The following ALS2 variants were observed in gnomAD, a reference collection of about 807,000 sequenced individuals.
ALS2 encodes alsin.
Under a neutral mutation model 203.4 loss-of-function variants are expected in ALS2, and 117 were observed. The ratio of observed to expected loss-of-function variants is 0.58; its 90% confidence interval spans 0.50 to 0.67. The LOEUF is 0.67. Among genes scored for constraint, ALS2 ranks in the 30% least tolerant of loss-of-function variants. The pLI is 0.00. For synonymous variants in ALS2, 718 were observed against 725.9 expected (o/e 0.99, Z 0.17); for missense variants, 1,715 against 1,989.4 (o/e 0.86, Z 2.62).
In ALS2 at chr2:201,749,576, T is replaced by A. The variant is rs1353262436; in HGVS notation, c.1815+136A>T. ...ACACGTGGCTTCCTGTTTTTAAAAA[T>A]TTTCTTATGAAAACCAAAACAAATT... On this transcript the variant is annotated intron_variant, in intron 8 of 33. Transcript: ENST00000264276. The A allele has an allele frequency of 4.7e-6, 4 of 847,072 alleles. No individual in the cohort carries two copies. The African/African-American group carries it at 6.8e-5, about 15-fold the overall frequency. The allele number at this position is 847,072 out of a possible 1,614,324, so 52.5% of individuals were successfully genotyped here.
chr2:201,763,826 G>A (rs1173055818), intron 3 of ALS2, among the ~76,000 whole-genome samples: 1 of 152,120 alleles, frequency 6.6e-6, no homozygotes, highest in African/African-American at 2.4e-5. Context: ...AGCTATGCTG[G>A]CTAAAAATTC....
At chr2:201,764,682 TAAAA>T (rs1279633020) in intron 3 of ALS2, among the ~76,000 whole-genome samples, 94 of 142,526 alleles carry the variant, frequency 6.6e-4, no homozygotes, top group African/African-American at 2.0e-3. Flanking sequence ...AATAAATAAA[TAAAA>T]GTGAATCAAT....
intron 4 of ALS2, 106 bp downstream of exon 4, chr2:201,760,775 A>T: frequency 6.8e-7 from 1 of 1,460,316 alleles, no homozygotes; most frequent in East Asian, 2.5e-5. Flanking sequence ...ATCAAACTCA[A>T]AAAATAAAAA....
At chr2:201,704,351 T>G in intron 32 of ALS2, 103 bp downstream of exon 32, 1 of 1,532,540 alleles carries the variant, frequency 6.5e-7, no homozygotes, top group South Asian at 1.1e-5. Context: ...TTAATCGATT[T>G]TTTTCTAGTG....
At chr2:201,711,146 T>C in intron 25 of ALS2, 38 bp from the exon 26 acceptor site, 4 of 1,279,494 alleles carry the variant, frequency 3.1e-6, no homozygotes, top group Non-Finnish European at 3.4e-6. Context: ...GTATTTCACA[T>C]CAAGAAAGCA....
intron 20 of ALS2, among the ~76,000 whole-genome samples, chr2:201,725,099 C>T (rs183358252): frequency 3.4e-3 from 494 of 143,224 alleles, no homozygotes; most frequent in Non-Finnish European, 5.7e-3. Flanking sequence ...GGTGACAGAG[C>T]GAGACTTCAT....
At chr2:201,708,043 A>AAAAGC in intron 27 of ALS2, 52 bp from the exon 28 acceptor site, 1 of 1,544,784 alleles carries the variant, frequency 6.5e-7, no homozygotes, top group Non-Finnish European at 8.9e-7. Flanking sequence ...AGGGGGGTTG[A>AAAAGC]AAAGCATAAA....
At chr2:201,705,013 T>C (rs1424280618) in intron 31 of ALS2, 126 bp downstream of exon 31, 2 of 937,960 alleles carry the variant, frequency 2.1e-6, no homozygotes, top group Admixed American at 2.0e-5. Flanking sequence ...CAGATTGAGT[T>C]TGACACCATC....
At chr2:201,752,050 C>T (rs1423610096) in intron 7 of ALS2, among the ~76,000 whole-genome samples, 1 of 152,018 alleles carries the variant, frequency 6.6e-6, no homozygotes, top group Non-Finnish European at 1.5e-5. Flanking sequence ...ACCTGGCTCA[C>T]CTATGTTTAT....
Position 201,729,067 on chromosome 2 carries a change from G to T in ALS2, c.2697C>A (p.Phe899Leu). Reference sequence around the variant, plus strand: ...CATGGCTTACCGTCATTTTTCCGGGGAAGGTCTTCCAGAAGCCCAGTGTGT... The same window carrying T: ...CATGGCTTACCGTCATTTTTCCGGGTAAGGTCTTCCAGAAGCCCAGTGTGT... ...AEYTLGFWKT[F>L]PGKMTDSLRK... The change falls in exon 14 of 34, where the codon TTC (phenylalanine) becomes TTA (leucine). Residue 899 changes from phenylalanine to leucine, a missense_variant. Coordinates refer to ENST00000264276, the MANE Select transcript of ALS2 (RefSeq NM_020919.4). 6.2e-7 allele frequency: 1 copy of T among 1,614,112 alleles called. No individual in the cohort carries two copies. The highest frequency in any genetic ancestry group is 1.3e-5 in the African/African-American group (1 of 75,020).
chr2:201,769,981 G>T (rs1029675886), intron 1 of ALS2, among the ~76,000 whole-genome samples: 2 of 152,162 alleles, frequency 1.3e-5, no homozygotes, highest in African/African-American at 4.8e-5. Flanking sequence ...ATCATTCAAA[G>T]TTGGAAAATG....
intron 13 of ALS2, 54 bp downstream of exon 13, chr2:201,733,222 C>T: frequency 6.3e-7 from 1 of 1,583,254 alleles, no homozygotes; most frequent in Non-Finnish European, 8.7e-7. Flanking sequence ...TCCATACAAA[C>T]AACTATGATC....
chr2:201,767,492 T>A, intron 2 of ALS2, 109 bp from the exon 3 acceptor site: 1 of 1,244,608 alleles, frequency 8.0e-7, no homozygotes, highest in South Asian at 1.3e-5. Flanking sequence ...GATGACTAGG[T>A]CAGATAGCTG....
intron 24 of ALS2, 110 bp from the exon 25 acceptor site, chr2:201,715,949 C>T (rs1690364899): frequency 9.3e-7 from 1 of 1,072,858 alleles, no homozygotes; most frequent in Admixed American, 1.9e-5. Flanking sequence ...GTGACCAAAA[C>T]TGCCAAGACT....
intron 25 of ALS2, 38 bp downstream of exon 25, chr2:201,715,634 A>G: frequency 6.2e-7 from 1 of 1,611,262 alleles, no homozygotes; most frequent in South Asian, 1.1e-5. Context: ...TCATCTTCCT[A>G]ACATGCTCTG....
At chr2:201,776,915 G>A (rs986812375) in intron 1 of ALS2, among the ~76,000 whole-genome samples, 2 of 152,148 alleles carry the variant, frequency 1.3e-5, no homozygotes, top group Admixed American at 1.3e-4. Flanking sequence ...GCTACTAAAC[G>A]TATTATTCAT....
chr2:201,761,700 T>C lies in ALS2; in HGVS notation c.294A>G (p.Thr98=). Residue 98 remains threonine (T), a synonymous_variant, in exon 4 of 34, where the codon ACA becomes ACG. Coordinates refer to ENST00000264276, the MANE Select transcript of ALS2 (RefSeq NM_020919.4). ...TCACTGCTCCACTATGGAAGCTTCCTGTTGCCACAGTAATAACATATTGCC... is the reference window on the plus strand; with the variant it reads ...TCACTGCTCCACTATGGAAGCTTCCCGTTGCCACAGTAATAACATATTGCC... ...LVGQYVITVA[T]GSFHSGAVTD... is the part of the protein sequence containing the mutation. 1 of 1,614,206 alleles carries C rather than the reference T, an allele frequency of 6.2e-7. No individual in the cohort carries two copies. The highest frequency in any genetic ancestry group is 8.5e-7 in the Non-Finnish European group (1 of 1,180,048).
At position 201,772,216 on chromosome 2, in the gene ALS2, G is replaced by T. The variant is rs376801135; in HGVS notation, c.-60-3271C>A. Among the ~76,000 whole-genome samples, 8 of 152,224 alleles carry T rather than the reference G, an allele frequency of 5.3e-5. No individual in the cohort carries two copies. In the South Asian group the frequency reaches 8.3e-4, roughly 16 times the overall value. ...ACATCCTTCTGTTACATCTAACAGAGAAATAAGTTGTCCTGTACGAGCCAA... is the reference window on the plus strand; with the variant it reads ...ACATCCTTCTGTTACATCTAACAGATAAATAAGTTGTCCTGTACGAGCCAA... On this transcript the variant is annotated intron_variant, in intron 1 of 33. Transcript: ENST00000264276.
chr2:201,775,456 G>T (rs574493679), intron 1 of ALS2, among the ~76,000 whole-genome samples: 1 of 152,164 alleles, frequency 6.6e-6, no homozygotes, highest in Non-Finnish European at 1.5e-5. Context: ...CATGGTAAAT[G>T]CTTAATAAAT....
Sources: allele counts gnomAD v4.1 joint callset (sites outside exome capture counted in the v4.1 genomes callset), GRCh38; gene constraint gnomAD v4.1.1; transcripts MANE v1.5; gene names NCBI Gene and HGNC (gene_info 2026-07-23, HGNC 2026-07-21).